CHLSN: variants seen among roughly 807,000 people sequenced by gnomAD.
CHLSN encodes cholesin.
At chr7:1,059,491 GGGC>G in the CHLSN span, among the ~76,000 whole-genome samples, 159 of 140,606 alleles carry the variant, frequency 1.1e-3, no homozygotes, top group Middle Eastern at 0.011. Flanking sequence ...GTCCATAGTG[GGGC>G]GGGTCCGTAG....
the CHLSN span, among the ~76,000 whole-genome samples, chr7:1,065,957 C>G: frequency 1.3e-5 from 2 of 152,260 alleles, no homozygotes. Context: ...CGTCGGGGTG[C>G]CGTCACTTTC....
At chr7:988,533 G>A in the CHLSN span, 465 of 1,595,738 alleles carry the variant, frequency 2.9e-4, no homozygotes, top group Non-Finnish European at 3.5e-4. Context: ...TTCTGAAGGC[G>A]GCTGTGGTGG....
the CHLSN span, among the ~76,000 whole-genome samples, chr7:1,106,935 G>A: frequency 5.9e-5 from 9 of 152,194 alleles, no homozygotes; most frequent in Admixed American, 2.6e-4. Flanking sequence ...CCTGCCCACC[G>A]TGACCACGGC....
the CHLSN span, among the ~76,000 whole-genome samples, chr7:1,016,044 C>T: frequency 2.7e-5 from 4 of 150,044 alleles, no homozygotes; most frequent in Admixed American, 1.3e-4. Flanking sequence ...TCCGGTGTCA[C>T]GCCAGCACAC....
chr7:1,017,592 A>G, the CHLSN span, among the ~76,000 whole-genome samples: 2 of 152,310 alleles, frequency 1.3e-5, no homozygotes, highest in East Asian at 3.9e-4. Context: ...ACAGCGAGAC[A>G]GCTACACACC....
the CHLSN span, among the ~76,000 whole-genome samples, chr7:994,935 G>A: frequency 6.6e-5 from 10 of 152,256 alleles, no homozygotes; most frequent in East Asian, 9.6e-4. Context: ...ATCTTGATCC[G>A]CCACCTGGCT....
chr7:1,104,118 A>T, the CHLSN span, among the ~76,000 whole-genome samples: 1 of 152,224 alleles, frequency 6.6e-6, no homozygotes, highest in African/African-American at 2.4e-5. Flanking sequence ...GCGGGACCAA[A>T]GTACCTGGGT....
At chr7:1,068,563 C>G in the CHLSN span, among the ~76,000 whole-genome samples, 2 of 152,182 alleles carry the variant, frequency 1.3e-5, no homozygotes, top group Non-Finnish European at 2.9e-5. Flanking sequence ...CAGTGTCTTG[C>G]TTGCTTAGGT....
At chr7:981,244 C>G in the CHLSN span, among the ~76,000 whole-genome samples, 1,442 of 145,236 alleles carry the variant, frequency 9.9e-3, 19 homozygotes, top group African/African-American at 0.034. Context: ...TGCAGTGAGC[C>G]AAGATCATGC....
chr7:1,012,570 A>G, the CHLSN span, among the ~76,000 whole-genome samples: 1 of 152,272 alleles, frequency 6.6e-6, no homozygotes, highest in African/African-American at 2.4e-5. Flanking sequence ...GGCAGGAGTC[A>G]CAGCCCAATT....
At chr7:1,001,229 G>T in the CHLSN span, among the ~76,000 whole-genome samples, 3 of 152,242 alleles carry the variant, frequency 2.0e-5, no homozygotes, top group Non-Finnish European at 4.4e-5. Flanking sequence ...CTCCATCAGT[G>T]TGCAAGCCCA....
the CHLSN span, chr7:1,057,517 T>C: frequency 5.2e-6 from 4 of 767,858 alleles, no homozygotes; most frequent in East Asian, 2.4e-5. Context: ...CCGGCCGCCA[T>C]GTGGAGCTGC....
chr7:1,086,051 C>A, the CHLSN span, among the ~76,000 whole-genome samples: 4 of 152,090 alleles, frequency 2.6e-5, no homozygotes, highest in African/African-American at 9.7e-5. Flanking sequence ...GACCCAGATG[C>A]CCCGATCCGC....
the CHLSN span, among the ~76,000 whole-genome samples, chr7:1,117,085 C>T: frequency 1.1e-3 from 70 of 63,596 alleles, no homozygotes; most frequent in Non-Finnish European, 1.4e-3. Flanking sequence ...ATCACTACAG[C>T]TCTACGGACC....
chr7:1,092,824 C>T, the CHLSN span: 1 of 1,613,178 alleles, frequency 6.2e-7, no homozygotes, highest in Middle Eastern at 1.6e-4. Context: ...CAGCACCGAG[C>T]AGTCGGATGT....
At chr7:1,127,597 CTT>C in the CHLSN span, among the ~76,000 whole-genome samples, 4 of 144,410 alleles carry the variant, frequency 2.8e-5, no homozygotes, top group Non-Finnish European at 3.0e-5. Context: ...TCCTTTCTGT[CTT>C]TTTTTTTTTT....
chr7:1,060,223 C>A, the CHLSN span, among the ~76,000 whole-genome samples: 11,555 of 152,136 alleles, frequency 0.076, 491 homozygotes, highest in Admixed American at 0.12. Flanking sequence ...AAAGTATAGG[C>A]CTGCAATCCC....
the CHLSN span, chr7:1,086,742 T>TG: frequency 2.6e-5 from 4 of 152,836 alleles, no homozygotes; most frequent in Middle Eastern, 3.3e-3. Context: ...CCAGCTCTCC[T>TG]GGGGGGGAGG....
the CHLSN span, among the ~76,000 whole-genome samples, chr7:1,133,073 C>T: frequency 3.3e-4 from 50 of 152,010 alleles, no homozygotes; most frequent in Non-Finnish European, 5.3e-4. Context: ...CAAGACGTGG[C>T]GTATTCACAC....
Sources: gnomAD v4.1 joint callset for allele counts (sites outside exome capture counted in the v4.1 genomes callset) on GRCh38, gnomAD v4.1.1 for gene constraint, MANE v1.5 for transcripts, NCBI Gene and HGNC (gene_info 2026-07-23, HGNC 2026-07-21) for gene names.